Variants in DNAH7 observed in about 807,000 individuals in gnomAD.
DNAH7 encodes dynein axonemal heavy chain 7, also known as axonemal beta dynein heavy chain 7.
Under a neutral mutation model 444.6 loss-of-function variants are expected in DNAH7, and 397 were observed. The ratio of observed to expected loss-of-function variants is 0.89; its 90% CI spans 0.82 to 0.97. DNAH7 has a LOEUF of 0.97. Among genes scored for constraint, DNAH7 ranks in the 50% least tolerant of loss-of-function variants. DNAH7 has a pLI of 0.00. For synonymous variants in DNAH7, 1,636 were observed against 1,624.4 expected, an observed-to-expected ratio of 1.01 and a Z score of -0.17; for missense variants, 4,902 against 4,800.8, an observed-to-expected ratio of 1.02 and a Z score of -0.62.
chr2:196,001,874 G>C lies in DNAH7; in HGVS notation c.990-16C>G. On this transcript the variant is annotated splice_polypyrimidine_tract_variant and intron_variant, in intron 10 of 64. Transcript: ENST00000312428. ...TGGAAACCACCTTGAAAGAACAAAAGACTTTTAAAAGTCAGTGCTTTCAGT... is the reference window on the plus strand; with the variant it reads ...TGGAAACCACCTTGAAAGAACAAAACACTTTTAAAAGTCAGTGCTTTCAGT... The C allele has an allele frequency of 6.3e-7, 1 of 1,586,678 alleles. No individual in the cohort carries two copies. The highest frequency in any genetic ancestry group is 1.2e-5 in the South Asian group (1 of 86,036).
chr2:195,778,345 GT>G (rs1344068004), intron 58 of DNAH7, among the ~76,000 whole-genome samples: 1 of 151,562 alleles, frequency 6.6e-6, no homozygotes, highest in Non-Finnish European at 1.5e-5. Context: ...CAGATAGAGT[GT>G]AATTCAGAGG....
At chr2:195,990,497 T>C (rs1298138970) in intron 12 of DNAH7, among the ~76,000 whole-genome samples, 1 of 151,890 alleles carries the variant, frequency 6.6e-6, no homozygotes, top group Non-Finnish European at 1.5e-5. Flanking sequence ...ACCCCATCTC[T>C]ACAAAAAACA....
intron 58 of DNAH7, 39 bp downstream of exon 58, chr2:195,786,971 G>A: frequency 6.6e-7 from 1 of 1,518,522 alleles, no homozygotes. Context: ...ATGATAAAGA[G>A]CAACATAGGT....
At chr2:195,745,891 A>T (rs1212799140) in intron 63 of DNAH7, among the ~76,000 whole-genome samples, 1 of 152,224 alleles carries the variant, frequency 6.6e-6, no homozygotes, top group East Asian at 1.9e-4. Context: ...GCCACTGCAA[A>T]ATCATGCCAA....
intron 5 of DNAH7, among the ~76,000 whole-genome samples, chr2:196,039,395 T>C (rs1303315118): frequency 6.6e-6 from 1 of 151,972 alleles, no homozygotes; most frequent in Non-Finnish European, 1.5e-5. Flanking sequence ...CCATAAAAAA[T>C]AGATTTCAAA....
intron 15 of DNAH7, 54 bp from the exon 16 acceptor site, chr2:195,972,520 A>G (rs1691916763): frequency 1.5e-6 from 2 of 1,357,310 alleles, no homozygotes; most frequent in Admixed American, 3.4e-5. Context: ...TCATGTCACG[A>G]AACAGCCTGC....
chr2:195,880,341 T>G lies in DNAH7; in HGVS notation c.5961+1454A>C, dbSNP rs186404078. On this transcript the variant is annotated intron_variant, in intron 36 of 64. Coordinates refer to ENST00000312428, the MANE Select transcript of DNAH7 (RefSeq NM_018897.3). ...CTTTCTTTCTTTTTCTTTTTTTTTT[T>G]TTTTTGAGACGGAGTCTCACTCTGT... is the stretch of plus-strand genomic sequence containing the variant. 4.5e-3 allele frequency among the ~76,000 whole-genome samples: 673 copies of G among 150,896 alleles called. 1 individual carries two copies. The highest frequency in any genetic ancestry group is 7.2e-3 in the Non-Finnish European group (485 of 67,552).
chr2:195,804,588 T>C (rs941924522), intron 54 of DNAH7, among the ~76,000 whole-genome samples: 1 of 152,240 alleles, frequency 6.6e-6, no homozygotes, highest in Non-Finnish European at 1.5e-5. Flanking sequence ...TTAAGGCAAC[T>C]GTCTCCATGC....
Position 195,957,355 on chromosome 2 carries a change from C to A in DNAH7, c.2984G>T (p.Ser995Ile), listed in dbSNP as rs573197351. ...CATTTGAGACATAATGTCTGGAGAG[C>A]TGAAAATGGGCTCCAGATACAGCCA... Reference protein sequence around the residue: ...ATWLYLEPIFSSPDIMSQMPE... With the variant: ...ATWLYLEPIFISPDIMSQMPE... The change falls in exon 19 of 65, where the codon AGC becomes ATC. Residue 995 changes from serine (S) to isoleucine (I), a missense_variant. Physicochemically the swap from Ser to Ile is moderately radical, Grantham distance 142. Transcript: ENST00000312428. The A allele has an allele frequency of 4.6e-5, 74 of 1,607,786 alleles. No homozygotes were observed. In the South Asian group the frequency reaches 6.1e-4, roughly 13 times the overall value.
At chr2:196,043,171 C>G (rs372339366) in intron 5 of DNAH7, among the ~76,000 whole-genome samples, 2 of 151,684 alleles carry the variant, frequency 1.3e-5, no homozygotes, top group South Asian at 2.1e-4. Context: ...AAACTCACTA[C>G]GTTTTACATT....
intron 63 of DNAH7, among the ~76,000 whole-genome samples, chr2:195,746,046 C>T (rs1194979910): frequency 6.6e-6 from 1 of 152,148 alleles, no homozygotes; most frequent in Non-Finnish European, 1.5e-5. Context: ...TTAAAAGACA[C>T]AGACTGGCAA....
intron 58 of DNAH7, among the ~76,000 whole-genome samples, chr2:195,783,739 T>C (rs944426042): frequency 6.6e-6 from 1 of 152,178 alleles, no homozygotes; most frequent in South Asian, 2.1e-4. Flanking sequence ...AAAACCAGCC[T>C]GCCAGCTAAG....
At chr2:195,859,479 T>C (rs1161141226) in intron 42 of DNAH7, among the ~76,000 whole-genome samples, 1 of 152,140 alleles carries the variant, frequency 6.6e-6, no homozygotes, top group East Asian at 1.9e-4. Flanking sequence ...TATATATGTC[T>C]CTATAGAGAA....
chr2:195,848,292 C>T (rs1699135871), intron 46 of DNAH7, among the ~76,000 whole-genome samples: 1 of 152,212 alleles, frequency 6.6e-6, no homozygotes, highest in African/African-American at 2.4e-5. Context: ...TGCAGAAGCC[C>T]CACAACTGGG....
In DNAH7 at chr2:195,984,851, C is replaced by T; in HGVS notation, c.1755-141G>A. On this transcript the variant is annotated intron_variant, in intron 14 of 64. Transcript: ENST00000312428. Reference sequence around the variant, plus strand: ...CTATATGACATCTAATAATTAAAAGCAAATTTGCATACATTTACTTATTCA... The same window carrying T: ...CTATATGACATCTAATAATTAAAAGTAAATTTGCATACATTTACTTATTCA... 3 of 718,858 alleles carry T rather than the reference C, an allele frequency of 4.2e-6. No homozygotes were observed. In the East Asian group the frequency reaches 8.2e-5, roughly 20 times the overall value. 44.5% of individuals were successfully genotyped at this position (718,858 alleles called of 1,614,324 possible).
chr2:195,811,991 G>A (rs762301054), intron 51 of DNAH7, among the ~76,000 whole-genome samples: 4 of 152,104 alleles, frequency 2.6e-5, no homozygotes, highest in Non-Finnish European at 4.4e-5. Context: ...AATCACTCCT[G>A]TAAATAACAT....
chr2:195,755,863 C>T (rs1182636883), intron 62 of DNAH7, among the ~76,000 whole-genome samples: 1 of 152,096 alleles, frequency 6.6e-6, no homozygotes, highest in East Asian at 1.9e-4. Flanking sequence ...GACTGGCTTT[C>T]GAAAATGTTT....
In DNAH7 at chr2:195,737,861, T is replaced by TA; in HGVS notation, c.*59dup. On this transcript the variant is annotated 3_prime_UTR_variant, in exon 65 of 65. Transcript: ENST00000312428. ...AAAAAAAAAGGTTTAAGTAGTAAAA[T>TA]ATGCTTTCTCTACTCAGCCAGCCAA... 21 of 1,537,200 alleles carry TA rather than the reference T, an allele frequency of 1.4e-5. No individual in the cohort carries two copies. The highest frequency in any genetic ancestry group is 1.9e-5 in the Non-Finnish European group (21 of 1,120,274).
Position 196,051,199 on chromosome 2 carries a change from T to C in DNAH7, c.129A>G (p.Pro43=), listed in dbSNP as rs767689443. 1 of 1,613,706 alleles carries C rather than the reference T, an allele frequency of 6.2e-7. No homozygotes were observed. The highest frequency in any genetic ancestry group is 1.1e-5 in the South Asian group (1 of 91,068). ...TTGGATAAGTTACCATAGACAGCTG[T>C]GGTAAAGCTCTTGCTGGTGCCTTGA... ...EKFKAPARAL[P]QLSMVSTKPH... is the part of the protein sequence containing the mutation. The change falls in exon 3 of 65, where the codon CCA becomes CCG. Residue 43 remains proline, a synonymous_variant. Coordinates refer to ENST00000312428, the MANE Select transcript of DNAH7 (RefSeq NM_018897.3).
Sources: allele counts gnomAD v4.1 joint callset (sites outside exome capture counted in the v4.1 genomes callset), GRCh38; gene constraint gnomAD v4.1.1; transcripts MANE v1.5; gene names NCBI Gene and HGNC (gene_info 2026-07-23, HGNC 2026-07-21).